The following FAR1 variants were observed in gnomAD, a reference collection of about 807,000 sequenced individuals.
The protein encoded by FAR1 is fatty acyl-CoA reductase 1, also known as male sterility domain-containing protein 2.
Under a neutral mutation model 61.1 loss-of-function variants are expected in FAR1, and 22 were observed. The observed-to-expected ratio is 0.36, with a 90% confidence interval of 0.26 to 0.51. The LOEUF (loss-of-function observed/expected upper bound fraction) is 0.51. Among genes scored for constraint, FAR1 ranks in the 20% least tolerant of loss-of-function variants. FAR1 has a pLI of 0.95. For synonymous variants in FAR1, 206 were observed against 209.7 expected (o/e 0.98, Z 0.15); for missense variants, 359 against 626.9 (o/e 0.57, Z 4.56).
intron 3 of FAR1, among the ~76,000 whole-genome samples, chr11:13,705,553 T>C (rs982157878): frequency 2.0e-5 from 3 of 152,186 alleles, no homozygotes; most frequent in Non-Finnish European, 4.4e-5. Context: ...CCTGCCCCCA[T>C]TGTTTTGCAA....
At chr11:13,722,069 G>C (rs546252993) in intron 10 of FAR1, among the ~76,000 whole-genome samples, 33 of 152,020 alleles carry the variant, frequency 2.2e-4, no homozygotes, top group Non-Finnish European at 4.1e-4. Context: ...GAGTGGCAAA[G>C]GTATTTTCAA....
At chr11:13,674,920 A>G (rs569620378) in intron 1 of FAR1, among the ~76,000 whole-genome samples, 2 of 152,204 alleles carry the variant, frequency 1.3e-5, no homozygotes, top group Non-Finnish European at 2.9e-5. Flanking sequence ...GCAAGCTTCT[A>G]AACTTTGTAT....
At chr11:13,690,656 A>G (rs1409289902) in intron 1 of FAR1, among the ~76,000 whole-genome samples, 2 of 152,132 alleles carry the variant, frequency 1.3e-5, no homozygotes, top group Admixed American at 6.5e-5. Context: ...ACATCTCAAT[A>G]TATGGTAATG....
intron 9 of FAR1, chr11:13,720,208 T>G (rs1306750243): frequency 1.3e-5 from 2 of 152,146 alleles, no homozygotes; most frequent in Admixed American, 6.5e-5. Flanking sequence ...AAGATAAGAT[T>G]AGGTGAGAGA....
At chr11:13,717,155 G>A (rs553373662) in intron 9 of FAR1, among the ~76,000 whole-genome samples, 3 of 151,318 alleles carry the variant, frequency 2.0e-5, no homozygotes, top group South Asian at 2.1e-4. Context: ...CTTCCCCCTC[G>A]CGCCTCCCCA....
At chr11:13,690,006 G>T (rs758142443) in intron 1 of FAR1, among the ~76,000 whole-genome samples, 3 of 151,362 alleles carry the variant, frequency 2.0e-5, no homozygotes, top group African/African-American at 7.3e-5. Context: ...CTCCCAAGTC[G>T]CTGGGATTAA....
intron 1 of FAR1, chr11:13,669,590 G>A (rs1847972193): frequency 6.6e-6 from 1 of 152,274 alleles, no homozygotes; most frequent in Non-Finnish European, 1.5e-5. Context: ...ATGAGTAGTT[G>A]AGCAAGAACA....
At chr11:13,684,759 T>C (rs1848168206) in intron 1 of FAR1, among the ~76,000 whole-genome samples, 1 of 152,222 alleles carries the variant, frequency 6.6e-6, no homozygotes, top group Non-Finnish European at 1.5e-5. Flanking sequence ...AAACATTTAG[T>C]TTCCTAATAG....
rs1269035901 is a variant in FAR1, at chr11:13,707,912, G to A, written c.378G>A (p.Gln126=). Residue 126 remains glutamine, a synonymous_variant, in exon 4 of 12, where the codon CAG becomes CAA. Coordinates refer to ENST00000354817, the MANE Select transcript of FAR1 (RefSeq NM_032228.6). ...TCTTTTTAAACAGAGATGCTGTTCA[G>A]TTAAATGTGATTGCAACGCGACAGC... ...RFNENLRDAV[Q]LNVIATRQLI... is the part of the protein sequence containing the mutation. 1.3e-6 allele frequency: 2 copies of A among 1,580,162 alleles called. No individual in the cohort carries two copies. The highest frequency in any genetic ancestry group is 1.8e-5 in the Admixed American group (1 of 55,758).
Position 13,707,944 on chromosome 11 carries a change from T to C in FAR1, c.410T>C (p.Leu137Pro). The C allele has an allele frequency of 6.2e-7, 1 of 1,601,894 alleles. No homozygotes were observed. The highest frequency in any genetic ancestry group is 8.5e-7 in the Non-Finnish European group (1 of 1,174,164). Residue 137 changes from leucine (L) to proline (P), a missense_variant, in exon 4 of 12, where the codon CTC (leucine) becomes CCC (proline). Physicochemically the swap from Leu to Pro is moderately conservative, Grantham distance 98 (BLOSUM62 -3). Transcript: ENST00000354817. ...LNVIATRQLI[L>P]LAQQMKNLEV... is the part of the protein sequence containing the mutation. The stretch of plus-strand genomic sequence containing the variant: ...GTGATTGCAACGCGACAGCTTATTC[T>C]CCTTGCACAACAAATGAAGAATCTG...
intron 1 of FAR1, among the ~76,000 whole-genome samples, chr11:13,675,033 T>C (rs900851943): frequency 6.8e-6 from 1 of 148,014 alleles, no homozygotes; most frequent in Non-Finnish European, 1.5e-5. Flanking sequence ...TCCTTCTTTA[T>C]TTTGAAGCAA....
In FAR1 at chr11:13,712,027, T is replaced by A. The variant is rs1848504606; in HGVS notation, c.868T>A (p.Trp290Arg). ...VVVNMSLAAA[W>R]YSGVNRPRNI... ...TGTCAACATGAGTCTTGCGGCAGCC[T>A]GGTATTCCGGAGTTAATAGGTATAT... Residue 290 changes from tryptophan to arginine, a missense_variant, in exon 7 of 12, where the codon TGG becomes AGG. Coordinates refer to ENST00000354817, the MANE Select transcript of FAR1 (RefSeq NM_032228.6). 1 of 1,611,908 alleles carries A rather than the reference T, an allele frequency of 6.2e-7. No individual in the cohort carries two copies. Among genetic ancestry groups the A allele is most frequent in the Non-Finnish European group, 8.5e-7 (1 of 1,178,172 alleles).
chr11:13,731,388 TTTTG>T lies in FAR1; in HGVS notation c.*2622_*2625del, dbSNP rs1041782498. ...ATTAACTTGGGATTGTTTTGTGGGT[TTTTG>T]TTTGTTTTAAATGTAAATTGAGAAT... On this transcript the variant is annotated 3_prime_UTR_variant, in exon 12 of 12. Transcript: ENST00000354817. 3.3e-5 allele frequency: 5 copies of T among 152,676 alleles called. No individual in the cohort carries two copies. Among genetic ancestry groups the T allele is most frequent in the East Asian group, 1.9e-4 (1 of 5,188 alleles). The allele number at this position is 152,676 out of a possible 1,614,324, so 9.5% of individuals were successfully genotyped here.
chr11:13,715,280 C>T (rs1007203793), intron 9 of FAR1, among the ~76,000 whole-genome samples: 1 of 152,140 alleles, frequency 6.6e-6, no homozygotes, highest in African/African-American at 2.4e-5. Context: ...AATGCTAGGA[C>T]ATTTCTTAGA....
In FAR1 at chr11:13,721,774, T is replaced by G. The variant is rs1286392564; in HGVS notation, c.1172T>G (p.Leu391Arg). 6.2e-7 allele frequency: 1 copy of G among 1,611,606 alleles called. No homozygotes were observed. The highest frequency in any genetic ancestry group is 8.5e-7 in the Non-Finnish European group (1 of 1,178,586). Residue 391 changes from leucine (L) to arginine (R), a missense_variant, in exon 10 of 12, where the codon CTT becomes CGT. By Grantham distance (102) the Leu-to-Arg change is moderately radical (BLOSUM62 -2). Coordinates refer to ENST00000354817, the MANE Select transcript of FAR1 (RefSeq NM_032228.6). The surrounding 1 kb of genome is among the most constrained non-coding windows in gnomAD (Gnocchi z 4.2). ...CGTCTTCACAAAGCTATGGTGTTTC[T>G]TGAATATTTCACAAGTAATTCTTGG... is the stretch of plus-strand genomic sequence containing the variant. ...ITRLHKAMVFLEYFTSNSWVW... is the reference protein window; with the variant it reads ...ITRLHKAMVFREYFTSNSWVW...
At chr11:13,694,064 A>C (rs1232134896) in intron 1 of FAR1, among the ~76,000 whole-genome samples, 1 of 152,196 alleles carries the variant, frequency 6.6e-6, no homozygotes, top group Non-Finnish European at 1.5e-5. Context: ...TTGTAGTGAC[A>C]TAATACATGA....
rs763859964 is a variant in FAR1 at position 13,721,691 on chromosome 11, A to G, written c.1128-39A>G. 6.3e-7 allele frequency: 1 copy of G among 1,592,286 alleles called. No homozygotes were observed. The highest frequency in any genetic ancestry group is 8.6e-7 in the Non-Finnish European group (1 of 1,167,994). On this transcript the variant is annotated intron_variant, in intron 9 of 11. Transcript: ENST00000354817. The surrounding 1 kb of genome is among the most constrained non-coding windows in gnomAD (Gnocchi z 4.2). The stretch of plus-strand genomic sequence containing the variant: ...GTGGTGATAGGATTTTTCCTAATCT[A>G]TACAAAATATGAATCTGTCCATTTT...
At chr11:13,722,005 G>T in intron 10 of FAR1, 146 bp downstream of exon 10, 1 of 616,798 alleles carries the variant, frequency 1.6e-6, no homozygotes, top group Non-Finnish European at 2.6e-6. Flanking sequence ...AGTCATAATT[G>T]TTAGTGGTGA....
At chr11:13,701,583 G>C (rs573810220) in intron 3 of FAR1, among the ~76,000 whole-genome samples, 2 of 151,954 alleles carry the variant, frequency 1.3e-5, no homozygotes, top group African/African-American at 4.8e-5. Flanking sequence ...ATTACAAAAG[G>C]TTTGATATTA....
Sources: allele counts gnomAD v4.1 joint callset (sites outside exome capture counted in the v4.1 genomes callset), GRCh38; gene constraint gnomAD v4.1.1; non-coding constraint Gnocchi (gnomAD v3.1); transcripts MANE v1.5; gene names NCBI Gene and HGNC (gene_info 2026-07-23, HGNC 2026-07-21).